Variants in CSMD2 observed in about 807,000 individuals in gnomAD.
CSMD2 encodes the protein CUB and Sushi multiple domains 2, also known as CUB and sushi domain-containing protein 2.
In CSMD2, 130 loss-of-function variants were observed where a neutral mutation model predicts 398.5. The observed-to-expected ratio is 0.33, with a 90% confidence interval of 0.28 to 0.38. The LOEUF is 0.38. Among genes scored for constraint, CSMD2 ranks in the 10% least tolerant of loss-of-function variants. CSMD2 has a pLI of 1.00. For synonymous variants in CSMD2, 1,828 were observed against 1,908.5 expected (o/e 0.96, Z 1.10); for missense variants, 3,829 against 4,764.9 (o/e 0.80, Z 5.78).
chr1:33,936,714 C>T (rs1311361155), intron 3 of CSMD2, among the ~76,000 whole-genome samples: 1 of 152,174 alleles, frequency 6.6e-6, no homozygotes, highest in African/African-American at 2.4e-5. Flanking sequence ...TTCTCTGTGC[C>T]CATAAGTCAG....
At chr1:34,055,671 C>T (rs1403273513) in intron 2 of CSMD2, among the ~76,000 whole-genome samples, 1 of 152,204 alleles carries the variant, frequency 6.6e-6, no homozygotes, top group Non-Finnish European at 1.5e-5. Context: ...GGAGTTTCCA[C>T]ATCCTCTTTG....
rs1464346180 is a variant in CSMD2 at position 33,624,692 on chromosome 1, G to A, written c.5501-49C>T. ...AGAGGCTTTGTGGCCTCCCGTGGGA[G>A]CCTTCCCAAGCTGACTCCTCCCTCA... On this transcript the variant is annotated intron_variant, in intron 34 of 70. Coordinates refer to ENST00000373381, the MANE Select transcript of CSMD2 (RefSeq NM_001281956.2). The surrounding 1 kb of genome is among the most constrained non-coding windows in gnomAD (Gnocchi z 4.7). 5.7e-6 allele frequency: 9 copies of A among 1,582,864 alleles called. No homozygotes were observed. The highest frequency in any genetic ancestry group is 2.3e-5 in the East Asian group (1 of 44,246).
At chr1:33,771,465 G>A (rs975028432) in intron 13 of CSMD2, among the ~76,000 whole-genome samples, 1 of 152,106 alleles carries the variant, frequency 6.6e-6, no homozygotes, top group African/African-American at 2.4e-5. Flanking sequence ...GTGTATTTAA[G>A]GGTGACTTGA....
intron 47 of CSMD2, among the ~76,000 whole-genome samples, chr1:33,583,215 C>A (rs1638852413): frequency 6.6e-6 from 1 of 152,192 alleles, no homozygotes; most frequent in Non-Finnish European, 1.5e-5. Flanking sequence ...TTTTTAGGGT[C>A]CAGTGGTCTG....
chr1:33,938,459 A>G lies in CSMD2; in HGVS notation c.518-2505T>C, dbSNP rs150861885. ...CTTACTTGGCATTTCCCATGATCTCACACTGCTGGCTTATTTGGCATTTCC... is the reference window on the plus strand; with the variant it reads ...CTTACTTGGCATTTCCCATGATCTCGCACTGCTGGCTTATTTGGCATTTCC... On this transcript the variant is annotated intron_variant, in intron 3 of 70. Coordinates refer to ENST00000373381, the MANE Select transcript of CSMD2 (RefSeq NM_001281956.2). Among the ~76,000 whole-genome samples, 150 of 128,350 alleles carry G rather than the reference A, an allele frequency of 1.2e-3. 1 individual carries two copies. The highest frequency in any genetic ancestry group is 4.4e-3 in the African/African-American group (146 of 33,132). The allele number at this position is 128,350 out of a possible 152,430, so 84.2% of individuals were successfully genotyped here. A position where few individuals can be genotyped will look rare whatever the true frequency, so the allele number is the denominator to read the frequency against.
intron 65 of CSMD2, 35 bp downstream of exon 65, chr1:33,527,161 C>G (rs754189365): frequency 1.3e-6 from 2 of 1,589,916 alleles, no homozygotes; most frequent in South Asian, 2.2e-5. Context: ...AAAGTAACAC[C>G]AGTTTCTTGA....
At chr1:33,797,267 C>T (rs766350492) in intron 10 of CSMD2, among the ~76,000 whole-genome samples, 8 of 152,214 alleles carry the variant, frequency 5.3e-5, no homozygotes, top group South Asian at 2.1e-4. Flanking sequence ...GTGGACAGCA[C>T]GGTCCTACTG....
chr1:34,083,742 C>A (rs1288911362), intron 2 of CSMD2, among the ~76,000 whole-genome samples: 1 of 152,010 alleles, frequency 6.6e-6, no homozygotes, highest in Non-Finnish European at 1.5e-5. Context: ...CATGGTGAAA[C>A]CCTGTCTCTA....
chr1:33,517,700 A>C (rs2148512908), intron 70 of CSMD2, among the ~76,000 whole-genome samples: 1 of 152,282 alleles, frequency 6.6e-6, no homozygotes. Context: ...TTTTGGAGAG[A>C]CGTAAAAAGA....
At chr1:33,583,609 A>C in intron 47 of CSMD2, 33 bp downstream of exon 47, 2 of 1,600,010 alleles carry the variant, frequency 1.2e-6, no homozygotes, top group Non-Finnish European at 1.7e-6. Context: ...TGTCTTCTGC[A>C]GCAGAGAACT....
chr1:34,061,512 C>G (rs1326154422), intron 2 of CSMD2, among the ~76,000 whole-genome samples: 2 of 150,072 alleles, frequency 1.3e-5, no homozygotes, highest in African/African-American at 5.0e-5. Flanking sequence ...CTGAGTGGGG[C>G]TCAGGGGCTC....
intron 1 of CSMD2, among the ~76,000 whole-genome samples, chr1:34,132,032 A>G (rs1404510387): frequency 1.3e-5 from 2 of 152,076 alleles, no homozygotes; most frequent in Non-Finnish European, 2.9e-5. Flanking sequence ...AGCTAACCTT[A>G]TAGACAATTC....
At chr1:33,788,183 C>T (rs1021314515) in intron 12 of CSMD2, among the ~76,000 whole-genome samples, 8 of 151,938 alleles carry the variant, frequency 5.3e-5, no homozygotes, top group Non-Finnish European at 8.8e-5. Flanking sequence ...AATAACATGC[C>T]TAAGGGGGAG....
chr1:34,027,544 G>A (rs952242398), intron 3 of CSMD2, among the ~76,000 whole-genome samples: 1 of 152,214 alleles, frequency 6.6e-6, no homozygotes, highest in Non-Finnish European at 1.5e-5. Flanking sequence ...ATAATTAGAT[G>A]AGGGCTTAAA....
chr1:33,589,652 C>T (rs144696513), intron 44 of CSMD2, among the ~76,000 whole-genome samples: 85 of 152,194 alleles, frequency 5.6e-4, no homozygotes, highest in Admixed American at 8.5e-4. Flanking sequence ...AACAATATGG[C>T]GTGACAAAAC....
chr1:33,694,299 G>A (rs1645344242), intron 24 of CSMD2, among the ~76,000 whole-genome samples: 2 of 152,100 alleles, frequency 1.3e-5, no homozygotes, highest in Admixed American at 6.5e-5. Flanking sequence ...TTCTCTTGTG[G>A]GGGACAAAAT....
rs888725732 is a variant in CSMD2 at position 34,128,089 on chromosome 1, G to A, written c.187+36822C>T. On this transcript the variant is annotated intron_variant, in intron 1 of 70. Coordinates refer to ENST00000373381, the MANE Select transcript of CSMD2 (RefSeq NM_001281956.2). ...CTTCTCAGCAATCGGCCTCACCGAC[G>A]CCCTGACCTCAGTTCTGCTCCACAC... Among the ~76,000 whole-genome samples the A allele has an allele frequency of 2.0e-5, 3 of 151,858 alleles. No homozygotes were observed. The South Asian group carries it at 6.3e-4, about 32-fold the overall frequency.
intron 3 of CSMD2, among the ~76,000 whole-genome samples, chr1:34,027,910 CAGG>C (rs549670113): frequency 6.8e-6 from 1 of 147,310 alleles, no homozygotes; most frequent in Non-Finnish European, 1.5e-5. Flanking sequence ...ACATGGGAGT[CAGG>C]AGGAGGAGGA....
chr1:33,722,057 T>C (rs1646375777), intron 19 of CSMD2, among the ~76,000 whole-genome samples: 1 of 152,240 alleles, frequency 6.6e-6, no homozygotes, highest in African/African-American at 2.4e-5. Context: ...AGCTGCCTAG[T>C]ATTTTATTCT....
Sources: allele counts gnomAD v4.1 joint callset (sites outside exome capture counted in the v4.1 genomes callset), GRCh38; gene constraint gnomAD v4.1.1; non-coding constraint Gnocchi (gnomAD v3.1); transcripts MANE v1.5; gene names NCBI Gene and HGNC (gene_info 2026-07-23, HGNC 2026-07-21).